Variants in ERC2 observed in about 807,000 individuals in gnomAD.
ERC2 encodes the protein ERC protein 2.
ERC2 carries 42 observed loss-of-function variants against 114.8 expected under a neutral mutation model. The ratio of observed to expected loss-of-function variants is 0.37; its 90% CI spans 0.29 to 0.47. The LOEUF (loss-of-function observed/expected upper bound fraction) is 0.47. Ranked by LOEUF, ERC2 falls within the 20% of genes least tolerant of loss-of-function variation. The pLI is 0.99. For synonymous variants in ERC2, 454 were observed against 425.5 expected (o/e 1.07, Z -0.82); for missense variants, 939 against 1,150.7 (o/e 0.82, Z 2.66).
chr3:55,615,109 ATC>A (rs1341414676), intron 17 of ERC2, among the ~76,000 whole-genome samples: 1 of 152,242 alleles, frequency 6.6e-6, no homozygotes, highest in Non-Finnish European at 1.5e-5. Context: ...GTTTTATCTT[ATC>A]TGTCCTTGGT....
intron 7 of ERC2, among the ~76,000 whole-genome samples, chr3:56,070,498 T>C (rs1047893262): frequency 2.0e-5 from 3 of 151,644 alleles, no homozygotes; most frequent in Middle Eastern, 3.2e-3. Flanking sequence ...ATAGTGAAAT[T>C]GAGTATAGAA....
chr3:55,808,696 T>C (rs984035982), intron 14 of ERC2, among the ~76,000 whole-genome samples: 5 of 91,692 alleles, frequency 5.5e-5, no homozygotes, highest in African/African-American at 2.3e-4. Context: ...TATTATACCA[T>C]AATTTTATAT....
intron 3 of ERC2, among the ~76,000 whole-genome samples, chr3:56,175,980 G>A (rs1403657168): frequency 6.6e-6 from 1 of 152,096 alleles, no homozygotes; most frequent in Admixed American, 6.6e-5. Context: ...ACAGCATTGG[G>A]TGGATCCCAT....
intron 12 of ERC2, among the ~76,000 whole-genome samples, chr3:55,979,249 A>T (rs2069866239): frequency 6.6e-6 from 1 of 152,210 alleles, no homozygotes; most frequent in South Asian, 2.1e-4. Flanking sequence ...CTGTTCAGCC[A>T]CGAGAATATT....
At chr3:55,609,912 C>G (rs955031492) in intron 17 of ERC2, among the ~76,000 whole-genome samples, 2 of 151,946 alleles carry the variant, frequency 1.3e-5, no homozygotes, top group African/African-American at 2.4e-5. Context: ...CTGCACTTTG[C>G]CCTGCTCGCT....
Position 56,409,517 on chromosome 3 carries a change from GA to G in ERC2, c.657+24833del, listed in dbSNP as rs558292657. On this transcript the variant is annotated intron_variant, in intron 2 of 17. Transcript: ENST00000288221. ...AATTATACCAAACTAAAGCTAGACA[GA>G]AAAAAAAAAAAAAAAAACCTCTGCT... 5.2e-3 allele frequency among the ~76,000 whole-genome samples: 400 copies of G among 77,658 alleles called. 1 individual carries two copies. The highest frequency in any genetic ancestry group is 0.018 in the Middle Eastern group (2 of 110). 50.9% of individuals were successfully genotyped at this position (77,658 alleles called of 152,430 possible).
intron 14 of ERC2, among the ~76,000 whole-genome samples, chr3:55,775,475 G>A (rs964845890): frequency 6.6e-5 from 10 of 151,568 alleles, no homozygotes; most frequent in African/African-American, 1.5e-4. Flanking sequence ...AGGCTGCAGC[G>A]AACTATAGCA....
At position 55,883,563 on chromosome 3, in the gene ERC2, C is replaced by T. The variant is rs188014693; in HGVS notation, c.2564+4826G>A. 1.9e-4 allele frequency among the ~76,000 whole-genome samples: 28 copies of T among 146,934 alleles called. No homozygotes were observed. The East Asian group carries it at 4.9e-3, about 26-fold the overall frequency. ...ATACACACACACACACACACACACA[C>T]ACACACAAGTGCATGTAAAACTGGA... is the stretch of plus-strand genomic sequence containing the variant. On this transcript the variant is annotated intron_variant, in intron 14 of 17. Coordinates refer to ENST00000288221, the MANE Select transcript of ERC2 (RefSeq NM_015576.3).
intron 17 of ERC2, among the ~76,000 whole-genome samples, chr3:55,577,265 G>GA (rs34139635): frequency 0.2 from 28,753 of 144,590 alleles, 2,734 homozygotes; most frequent in South Asian, 0.25. Context: ...CCTTCCCTAG[G>GA]AAAAAAAAAG....
chr3:55,869,127 G>A (rs781019735), intron 14 of ERC2, among the ~76,000 whole-genome samples: 5 of 152,106 alleles, frequency 3.3e-5, no homozygotes, highest in Non-Finnish European at 7.4e-5. Context: ...ATGTTGCTAC[G>A]CATTTTGGAG....
intron 12 of ERC2, among the ~76,000 whole-genome samples, chr3:55,953,119 G>A (rs1005809252): frequency 2.0e-5 from 3 of 151,658 alleles, no homozygotes; most frequent in Admixed American, 6.6e-5. Flanking sequence ...GCAGGAGAAC[G>A]GCGTGAACCC....
At chr3:55,564,636 C>A (rs190756133) in intron 17 of ERC2, among the ~76,000 whole-genome samples, 5 of 152,296 alleles carry the variant, frequency 3.3e-5, no homozygotes, top group African/African-American at 9.6e-5. Flanking sequence ...CTACATTTCC[C>A]AGGCTCTGTC....
At chr3:56,262,207 T>G (rs2052985165) in intron 3 of ERC2, among the ~76,000 whole-genome samples, 1 of 152,236 alleles carries the variant, frequency 6.6e-6, no homozygotes, top group Non-Finnish European at 1.5e-5. Context: ...ATTGCTACTC[T>G]TCAAGTGTGT....
chr3:56,213,555 G>A (rs879709672), intron 3 of ERC2, among the ~76,000 whole-genome samples: 177 of 152,298 alleles, frequency 1.2e-3, no homozygotes, highest in Non-Finnish European at 2.1e-3. Context: ...AGCTCAAGGA[G>A]GCCTGCCTGC....
At chr3:55,794,000 A>T (rs890266395) in intron 14 of ERC2, among the ~76,000 whole-genome samples, 9 of 152,368 alleles carry the variant, frequency 5.9e-5, no homozygotes, top group African/African-American at 1.9e-4. Context: ...TAAAATAAGC[A>T]TTAAAAGCAA....
intron 3 of ERC2, among the ~76,000 whole-genome samples, chr3:56,184,675 A>G (rs981096003): frequency 2.0e-5 from 3 of 152,150 alleles, no homozygotes; most frequent in African/African-American, 4.8e-5. Context: ...TTAATTACTA[A>G]CATAACACTT....
intron 14 of ERC2, among the ~76,000 whole-genome samples, chr3:55,809,932 C>T (rs1330295560): frequency 6.6e-6 from 1 of 152,164 alleles, no homozygotes; most frequent in East Asian, 1.9e-4. Context: ...GTTCTTGAGT[C>T]TAGTGTCAAA....
chr3:56,036,418 G>A (rs900782835), intron 7 of ERC2, among the ~76,000 whole-genome samples: 7 of 152,160 alleles, frequency 4.6e-5, no homozygotes, highest in African/African-American at 1.7e-4. Flanking sequence ...GAATCTGGAA[G>A]GAGTAAAATT....
At chr3:55,720,134 T>C (rs368021804) in intron 15 of ERC2, among the ~76,000 whole-genome samples, 1,730 of 2,744 alleles carry the variant, frequency 0.63, 590 homozygotes, top group South Asian at 0.79. Context: ...CTTCTTCCTC[T>C]TCTTCTTCCT....
Sources: allele counts gnomAD v4.1 joint callset (sites outside exome capture counted in the v4.1 genomes callset), GRCh38; gene constraint gnomAD v4.1.1; transcripts MANE v1.5; gene names NCBI Gene and HGNC (gene_info 2026-07-23, HGNC 2026-07-21).